The following CHCHD3 variants were observed in gnomAD, a reference collection of about 807,000 sequenced individuals.
CHCHD3 encodes coiled-coil-helix-coiled-coil-helix domain containing 3.
Under a neutral mutation model 38.2 loss-of-function variants are expected in CHCHD3, and 20 were observed. The observed-to-expected ratio is 0.52, with a 90% CI of 0.37 to 0.76. The LOEUF (loss-of-function observed/expected upper bound fraction) is 0.76, where lower values mean the gene tolerates loss of function less well. Ranked by LOEUF, CHCHD3 falls within the 30% of genes least tolerant of loss-of-function variation. CHCHD3 has a pLI of 0.00. For missense variants in CHCHD3, 245 were observed against 279.2 expected (o/e 0.88, Z 0.87); for synonymous variants, 82 against 100.0 (o/e 0.82, Z 1.07).
At chr7:133,055,282 T>A (rs903640542) in intron 2 of CHCHD3, among the ~76,000 whole-genome samples, 2 of 146,872 alleles carry the variant, frequency 1.4e-5, no homozygotes, top group African/African-American at 4.9e-5. Context: ...ATTATAATTA[T>A]ATTATCTATT....
rs58508838 is a variant in CHCHD3, at chr7:132,799,007, CTGTGTGTG to C, written c.525-2438_525-2431del. ...TTGATTTCCTGTTTGGTGATCTGTT[CTGTGTGTG>C]TGTGTGTGTGTGTGTGTGTGTGTGT... On this transcript the variant is annotated intron_variant, in intron 6 of 7. Transcript: ENST00000262570. Among the ~76,000 whole-genome samples the C allele has an allele frequency of 5.7e-3, 836 of 145,568 alleles. 6 individuals are homozygous for C. The highest frequency in any genetic ancestry group is 9.7e-3 in the South Asian group (43 of 4,444).
chr7:133,060,330 A>G (rs1442339247), intron 2 of CHCHD3, among the ~76,000 whole-genome samples: 1 of 152,166 alleles, frequency 6.6e-6, no homozygotes, highest in African/African-American at 2.4e-5. Flanking sequence ...CCAATGAGAA[A>G]ATAGAAGCTA....
At chr7:132,975,728 C>G (rs952119087) in intron 3 of CHCHD3, among the ~76,000 whole-genome samples, 3 of 152,020 alleles carry the variant, frequency 2.0e-5, no homozygotes, top group Non-Finnish European at 2.9e-5. Context: ...GTCAGGAGTT[C>G]AAGACCAGCC....
intron 3 of CHCHD3, among the ~76,000 whole-genome samples, chr7:132,984,926 C>A (rs1812053923): frequency 2.2e-5 from 2 of 89,130 alleles, no homozygotes; most frequent in African/African-American, 4.3e-5. Context: ...GCCCGGCCAG[C>A]CGCCCCGTCC....
At position 132,864,272 on chromosome 7, in the gene CHCHD3, A is replaced by C. The variant is rs1808560695; in HGVS notation, c.453+21390T>G. Among the ~76,000 whole-genome samples, 3 of 152,108 alleles carry C rather than the reference A, an allele frequency of 2.0e-5. No homozygotes were observed. In the South Asian group the frequency reaches 6.2e-4, roughly 32 times the overall value. The stretch of plus-strand genomic sequence containing the variant: ...ATTTTAGTATTGTTGCGTCTCAGGG[A>C]ATAAGGAGGCCTCTCAGGGGAGGGA... On this transcript the variant is annotated intron_variant, in intron 5 of 7. Coordinates refer to ENST00000262570, the MANE Select transcript of CHCHD3 (RefSeq NM_017812.4).
chr7:133,002,080 T>C (rs1172423557), intron 3 of CHCHD3, among the ~76,000 whole-genome samples: 1 of 152,270 alleles, frequency 6.6e-6, no homozygotes, highest in South Asian at 2.1e-4. Flanking sequence ...GTCTCAGAAC[T>C]AGTAACCCAT....
intron 4 of CHCHD3, among the ~76,000 whole-genome samples, chr7:132,933,525 T>G (rs941662584): frequency 1.1e-4 from 16 of 152,192 alleles, no homozygotes; most frequent in Non-Finnish European, 1.9e-4. Flanking sequence ...TGAAAAATAC[T>G]AGGTCCCAAT....
At chr7:132,967,779 G>A (rs999228190) in intron 4 of CHCHD3, among the ~76,000 whole-genome samples, 7 of 150,728 alleles carry the variant, frequency 4.6e-5, no homozygotes, top group East Asian at 1.9e-4. Context: ...GCAATGAGCC[G>A]TGATCATGCA....
At chr7:132,916,495 TGAGA>T (rs200934058) in intron 4 of CHCHD3, among the ~76,000 whole-genome samples, 2 of 67,206 alleles carry the variant, frequency 3.0e-5, no homozygotes, top group Non-Finnish European at 4.5e-5. Context: ...AGATATTGAG[TGAGA>T]GAGATGATAT....
intron 4 of CHCHD3, among the ~76,000 whole-genome samples, chr7:132,938,860 A>G (rs1810694917): frequency 6.6e-6 from 1 of 152,046 alleles, no homozygotes; most frequent in African/African-American, 2.4e-5. Flanking sequence ...CAACCCACTG[A>G]CCCCACTGGG....
chr7:132,792,294 TAGCCGGCAGGGTACATTC>T (rs1233583365), intron 7 of CHCHD3, among the ~76,000 whole-genome samples: 1 of 152,180 alleles, frequency 6.6e-6, no homozygotes, highest in Non-Finnish European at 1.5e-5. Context: ...TGGCCTTTAT[TAGCCGGCAGGGTACATTC>T]TGCCAGCCAG....
At chr7:133,068,267 A>G (rs189767999) in intron 2 of CHCHD3, among the ~76,000 whole-genome samples, 27 of 152,240 alleles carry the variant, frequency 1.8e-4, no homozygotes, top group African/African-American at 6.5e-4. Context: ...TCAACAAACG[A>G]TAATAAGCAC....
chr7:133,029,298 A>C (rs927410705), intron 2 of CHCHD3, among the ~76,000 whole-genome samples: 2 of 152,180 alleles, frequency 1.3e-5, no homozygotes, highest in African/African-American at 4.8e-5. Context: ...GGGGACACTT[A>C]AAATTTGTTC....
At chr7:132,910,475 A>T (rs1204499876) in intron 4 of CHCHD3, among the ~76,000 whole-genome samples, 2 of 152,192 alleles carry the variant, frequency 1.3e-5, no homozygotes, top group African/African-American at 4.8e-5. Flanking sequence ...TTGGGAATTC[A>T]AGCAGATTTT....
At chr7:132,822,816 C>G (rs981432532) in intron 6 of CHCHD3, among the ~76,000 whole-genome samples, 1 of 146,064 alleles carries the variant, frequency 6.8e-6, no homozygotes, top group Admixed American at 6.8e-5. Context: ...CCGCGCCCCC[C>G]ACCAAAAACA....
At chr7:132,952,115 C>T (rs1169893736) in intron 4 of CHCHD3, among the ~76,000 whole-genome samples, 1 of 152,228 alleles carries the variant, frequency 6.6e-6, no homozygotes, top group Non-Finnish European at 1.5e-5. Context: ...TGGCACTGAC[C>T]AGCAGGTTTG....
chr7:132,835,520 AT>A lies in CHCHD3; in HGVS notation c.524+2878del, dbSNP rs1161800959. 8.5e-5 allele frequency among the ~76,000 whole-genome samples: 13 copies of A among 152,296 alleles called. No individual in the cohort carries two copies. In the South Asian group the frequency reaches 1.4e-3, roughly 17 times the overall value. ...GACTTGCAGGAGGTCAGCCATCATG[AT>A]GTCAACGTTGTGCTTCCCGTGGCCT... On this transcript the variant is annotated intron_variant, in intron 6 of 7. Coordinates refer to ENST00000262570, the MANE Select transcript of CHCHD3 (RefSeq NM_017812.4).
intron 6 of CHCHD3, among the ~76,000 whole-genome samples, chr7:132,802,784 T>C (rs76896229): frequency 0.01 from 1,585 of 152,304 alleles, 10 homozygotes; most frequent in Middle Eastern, 0.02. Flanking sequence ...GAACTCAATC[T>C]GGAAGGACCC....
intron 5 of CHCHD3, chr7:132,849,712 T>C (rs1808166117): frequency 6.6e-6 from 1 of 152,214 alleles, no homozygotes; most frequent in South Asian, 2.1e-4. Flanking sequence ...AGAAGTGTTA[T>C]ATGGAACTTC....
Sources: allele counts gnomAD v4.1 joint callset (sites outside exome capture counted in the v4.1 genomes callset), GRCh38; gene constraint gnomAD v4.1.1; transcripts MANE v1.5; gene names NCBI Gene and HGNC (gene_info 2026-07-23, HGNC 2026-07-21).